Variants in PTPRA observed in about 807,000 individuals in gnomAD.
The protein encoded by PTPRA is receptor-type tyrosine-protein phosphatase alpha.
Under a neutral mutation model 104.8 loss-of-function variants are expected in PTPRA, and 25 were observed. The observed-to-expected ratio is 0.24, with a 90% CI of 0.17 to 0.33. PTPRA has a LOEUF of 0.33. Ranked by LOEUF, PTPRA falls within the 10% of genes least tolerant of loss-of-function variation. PTPRA has a pLI of 1.00. For synonymous variants in PTPRA, 323 were observed against 368.9 expected, an observed-to-expected ratio of 0.88 and a Z score of 1.43; for missense variants, 765 against 1,015.3, an observed-to-expected ratio of 0.75 and a Z score of 3.35.
chr20:2,865,572 T>C, the PTPRA span: 4 of 1,356,692 alleles, frequency 2.9e-6, no homozygotes, highest in African/African-American at 1.4e-5. The surrounding 1 kb of genome is among the most constrained non-coding windows in gnomAD (Gnocchi z 5.2). Context: ...GGGAGACAGA[T>C]AGGATGGCCC....
intron 5 of PTPRA, among the ~76,000 whole-genome samples, chr20:2,971,636 A>G (rs1201552904): frequency 6.6e-6 from 1 of 152,222 alleles, no homozygotes; most frequent in Non-Finnish European, 1.5e-5. Flanking sequence ...TAAGGAGGAC[A>G]CTTTCAGTGG....
At chr20:2,972,739 C>G (rs1333674954) in intron 5 of PTPRA, among the ~76,000 whole-genome samples, 1 of 151,190 alleles carries the variant, frequency 6.6e-6, no homozygotes, top group East Asian at 1.9e-4. Context: ...TTTTTTAAGA[C>G]AGGCTTTTTC....
In PTPRA at chr20:2,988,387, A is replaced by G. The variant is rs1430597231; in HGVS notation, c.651A>G (p.Lys217=). ...LLARSPSTNR[K]YPPLPVDKLE... ...CCAGATCCCCAAGCACCAACAGGAA[A>G]TACCCACCCCTGCCCGTGGACAAGC... Residue 217 remains lysine, a synonymous_variant, in exon 9 of 24, where the codon AAA becomes AAG. Transcript: ENST00000399903. 3.7e-6 allele frequency: 6 copies of G among 1,612,140 alleles called. No homozygotes were observed. The South Asian group carries it at 4.4e-5, about 12-fold the overall frequency.
In PTPRA at chr20:3,037,790, C is replaced by T. The variant is rs890049482; in HGVS notation, c.2335-269C>T. 2.0e-5 allele frequency among the ~76,000 whole-genome samples: 3 copies of T among 152,224 alleles called. No homozygotes were observed. Among genetic ancestry groups the T allele is most frequent in the African/African-American group, 7.2e-5 (3 of 41,444 alleles). ...TAAGCGTGGGCCATGCTCAGCTGCA[C>T]TGTCTCCCAGCCCAGCACATGCCTG... On this transcript the variant is annotated intron_variant, in intron 23 of 23. Coordinates refer to ENST00000399903, the MANE Select transcript of PTPRA (RefSeq NM_001385305.1). The surrounding 1 kb of genome is among the most constrained non-coding windows in gnomAD (Gnocchi z 4.3).
chr20:2,989,840 A>G (rs1247988345), intron 9 of PTPRA, among the ~76,000 whole-genome samples: 4 of 151,886 alleles, frequency 2.6e-5, no homozygotes, highest in Non-Finnish European at 5.9e-5. Flanking sequence ...ACACAGTGAA[A>G]CCCTGTCTCT....
At chr20:2,922,408 C>T (rs1006662781) in intron 1 of PTPRA, among the ~76,000 whole-genome samples, 2 of 152,138 alleles carry the variant, frequency 1.3e-5, no homozygotes, top group South Asian at 2.1e-4. Flanking sequence ...GTCACGATCT[C>T]GGCTCACTGC....
intron 1 of PTPRA, among the ~76,000 whole-genome samples, chr20:2,907,586 A>G (rs918500980): frequency 1.3e-5 from 2 of 152,208 alleles, no homozygotes; most frequent in Non-Finnish European, 2.9e-5. Flanking sequence ...ACATATTTTT[A>G]CCATTATCAA....
chr20:2,881,110 C>T (rs545513019), intron 1 of PTPRA, among the ~76,000 whole-genome samples: 37 of 151,920 alleles, frequency 2.4e-4, no homozygotes, highest in African/African-American at 8.0e-4. Context: ...AGATCGAGAC[C>T]ATCCTGGCCA....
In PTPRA at chr20:2,910,596, TTTTG is replaced by T. The variant is rs1568650194; in HGVS notation, c.-128-12607_-128-12604del. On this transcript the variant is annotated intron_variant, in intron 1 of 23. Transcript: ENST00000399903. ...CCAGCTAGTTTTTTTTTTGTTTTTT[TTTTG>T]TTTTTTTTAATTTTTTTTTTTTTTT... Among the ~76,000 whole-genome samples the T allele has an allele frequency of 1.0e-4, 13 of 126,738 alleles. 1 individual carries two copies. In the East Asian group the frequency reaches 1.8e-3, roughly 17 times the overall value. 83.1% of individuals were successfully genotyped at this position (126,738 alleles called of 152,430 possible).
intron 1 of PTPRA, among the ~76,000 whole-genome samples, chr20:2,892,434 C>G (rs933883316): frequency 2.0e-5 from 3 of 151,998 alleles, no homozygotes; most frequent in Non-Finnish European, 4.4e-5. Flanking sequence ...GTGTGATATA[C>G]GTATTCAGTA....
intron 1 of PTPRA, among the ~76,000 whole-genome samples, chr20:2,908,425 A>G (rs369420964): frequency 1.3e-5 from 2 of 152,352 alleles, no homozygotes; most frequent in East Asian, 3.9e-4. Context: ...GATACAGAAC[A>G]GTGAAATTTT....
At position 3,027,838 on chromosome 20, in the gene PTPRA, C is replaced by CCAACTG; in HGVS notation, c.1919_1920insACTGCA (p.Gln640_Glu641insLeuGln). 2.5e-6 allele frequency: 4 copies of CCAACTG among 1,613,918 alleles called. No individual in the cohort carries two copies. The highest frequency in any genetic ancestry group is 3.4e-6 in the Non-Finnish European group (4 of 1,179,958). On this transcript the variant is annotated inframe_insertion, in exon 20 of 24. Transcript: ENST00000399903. ...TGCTAACAGAACTGGAGGAGAGAGG[C>CCAACTG]CAGGTGAGTTCAAAAGGTCCTGGGT...
chr20:2,989,699 A>G (rs1384759071), intron 9 of PTPRA, among the ~76,000 whole-genome samples: 1 of 152,134 alleles, frequency 6.6e-6, no homozygotes, highest in Non-Finnish European at 1.5e-5. Context: ...GTGGCAAGCC[A>G]TAGAGCAGCC....
intron 6 of PTPRA, among the ~76,000 whole-genome samples, chr20:2,985,982 C>T (rs2062890215): frequency 6.6e-6 from 1 of 152,018 alleles, no homozygotes; most frequent in Non-Finnish European, 1.5e-5. Context: ...AGGCCCGGCT[C>T]ACTGTAATCT....
At chr20:2,914,153 T>C (rs989763551) in intron 1 of PTPRA, among the ~76,000 whole-genome samples, 1 of 152,230 alleles carries the variant, frequency 6.6e-6, no homozygotes, top group Admixed American at 6.5e-5. Context: ...CTGTATCCTT[T>C]TGACATTGTC....
intron 7 of PTPRA, among the ~76,000 whole-genome samples, chr20:2,987,557 A>G (rs778584203): frequency 2.0e-5 from 3 of 152,176 alleles, no homozygotes; most frequent in Non-Finnish European, 4.4e-5. Context: ...GAGAGGAATC[A>G]TGTGCCCCCT....
intron 13 of PTPRA, among the ~76,000 whole-genome samples, chr20:3,019,566 C>T (rs1402486175): frequency 6.6e-6 from 1 of 151,256 alleles, no homozygotes; most frequent in Non-Finnish European, 1.5e-5. Flanking sequence ...GGCGGCCGGG[C>T]AGAGACTCTC....
rs2065004676 is a variant in PTPRA, at chr20:3,023,824, T to G, written c.1465-648T>G. Among the ~76,000 whole-genome samples the G allele has an allele frequency of 2.0e-5, 3 of 152,220 alleles. No individual in the cohort carries two copies. In the South Asian group the frequency reaches 6.2e-4, roughly 31 times the overall value. On this transcript the variant is annotated intron_variant, in intron 16 of 23. Transcript: ENST00000399903. ...TTCTCTATACTTTGTCTCTGTGTCT[T>G]CTTTCTTTCCTCAGTCTCTCGTCCC... is the stretch of plus-strand genomic sequence containing the variant.
At chr20:3,008,970 G>GA (rs199837896) in intron 11 of PTPRA, among the ~76,000 whole-genome samples, 11 of 150,830 alleles carry the variant, frequency 7.3e-5, no homozygotes, top group Non-Finnish European at 1.3e-4. Flanking sequence ...TTTACCACAA[G>GA]AAAAAAAAAG....
Sources: allele counts gnomAD v4.1 joint callset (sites outside exome capture counted in the v4.1 genomes callset), GRCh38; gene constraint gnomAD v4.1.1; non-coding constraint Gnocchi (gnomAD v3.1); transcripts MANE v1.5; gene names NCBI Gene and HGNC (gene_info 2026-07-23, HGNC 2026-07-21).